Variants in KIAA0825 observed in about 807,000 individuals in gnomAD.
KIAA0825 encodes uncharacterized protein KIAA0825.
A neutral mutation model predicts 147.6 loss-of-function variants in KIAA0825; 119 were observed. That is an observed-to-expected ratio of 0.81 (90% CI 0.69 to 0.94). The LOEUF (loss-of-function observed/expected upper bound fraction) is 0.94, where lower values mean the gene tolerates loss of function less well. Ranked by LOEUF, KIAA0825 falls within the 40% of genes least tolerant of loss-of-function variation. KIAA0825 has a pLI of 0.00. For synonymous variants in KIAA0825, 470 were observed against 518.1 expected (o/e 0.91, Z 1.26); for missense variants, 1,381 against 1,472.7 (o/e 0.94, Z 1.02).
chr5:94,522,776 C>T (rs576161856), intron 4 of KIAA0825, among the ~76,000 whole-genome samples: 1 of 151,580 alleles, frequency 6.6e-6, no homozygotes, highest in Non-Finnish European at 1.5e-5. Context: ...GCCTATCAGT[C>T]TAATGAATTT....
chr5:94,566,569 A>G (rs76726497), intron 2 of KIAA0825, among the ~76,000 whole-genome samples: 3,724 of 152,186 alleles, frequency 0.024, 151 homozygotes, highest in African/African-American at 0.086. Flanking sequence ...ATTTTTGCAT[A>G]CTTTAATGAG....
chr5:94,524,162 T>C (rs2151239052), intron 3 of KIAA0825, 64 bp from the exon 4 acceptor site: 1 of 1,030,004 alleles, frequency 9.7e-7, no homozygotes, highest in Non-Finnish European at 1.4e-6. Flanking sequence ...TTTCATAATA[T>C]CACAGGCCCT....
intron 7 of KIAA0825, 100 bp downstream of exon 7, chr5:94,477,011 G>T: frequency 1.2e-6 from 1 of 849,124 alleles, no homozygotes; most frequent in Non-Finnish European, 1.8e-6. Flanking sequence ...TTTTTTTGTA[G>T]CAAAGGGTAA....
At chr5:94,365,757 C>A (rs255181) in intron 20 of KIAA0825, among the ~76,000 whole-genome samples, 40,954 of 152,126 alleles carry the variant, frequency 0.27, 5,561 homozygotes, top group Middle Eastern at 0.28. Context: ...CCCAAAACAA[C>A]CCCCCTTCCT....
chr5:94,612,920 C>T lies in KIAA0825; in HGVS notation c.-153+5580G>A, dbSNP rs545899345. 3.3e-5 allele frequency among the ~76,000 whole-genome samples: 5 copies of T among 152,274 alleles called. No homozygotes were observed. The South Asian group carries it at 1.0e-3, about 32-fold the overall frequency. The stretch of plus-strand genomic sequence containing the variant: ...TTTTTCTGATGCTTGTGTACCTACA[C>T]ACAGTATTACATTTAATCCTAGTAA... On this transcript the variant is annotated intron_variant, in intron 1 of 20. Transcript: ENST00000682413.
intron 2 of KIAA0825, among the ~76,000 whole-genome samples, chr5:94,550,930 A>T (rs1775422366): frequency 6.6e-6 from 1 of 152,108 alleles, no homozygotes; most frequent in African/African-American, 2.4e-5. Flanking sequence ...AAGTATTCAA[A>T]ATAATAAAAC....
At chr5:94,529,010 A>C (rs1485180628) in intron 3 of KIAA0825, among the ~76,000 whole-genome samples, 1 of 151,722 alleles carries the variant, frequency 6.6e-6, no homozygotes, top group African/African-American at 2.4e-5. Flanking sequence ...AATAATGGGA[A>C]TCCTAAGAGA....
chr5:94,574,397 A>G (rs1194458152), intron 2 of KIAA0825, among the ~76,000 whole-genome samples: 1 of 151,990 alleles, frequency 6.6e-6, no homozygotes, highest in Non-Finnish European at 1.5e-5. Flanking sequence ...ATAAAAAATT[A>G]GTCGGGTGTG....
At chr5:94,506,049 A>T (rs932462096) in intron 5 of KIAA0825, among the ~76,000 whole-genome samples, 9 of 152,226 alleles carry the variant, frequency 5.9e-5, no homozygotes, top group Non-Finnish European at 8.8e-5. Flanking sequence ...TATTTTAACT[A>T]CTATTGCACA....
chr5:94,500,365 C>A (rs992615720), intron 5 of KIAA0825, among the ~76,000 whole-genome samples: 3 of 152,046 alleles, frequency 2.0e-5, no homozygotes, highest in African/African-American at 7.3e-5. Flanking sequence ...CTAAATTAGG[C>A]CTTGATGGCA....
intron 20 of KIAA0825, among the ~76,000 whole-genome samples, chr5:94,170,135 T>G (rs1768475391): frequency 6.6e-6 from 1 of 152,006 alleles, no homozygotes. Context: ...CCGTCTCTAC[T>G]AAAAATACAA....
At chr5:94,336,631 TG>T (rs1781832468) in intron 20 of KIAA0825, among the ~76,000 whole-genome samples, 2 of 152,308 alleles carry the variant, frequency 1.3e-5, no homozygotes, top group Non-Finnish European at 2.9e-5. Context: ...ATGGTGTATA[TG>T]TGCCACATTT....
At chr5:94,504,752 T>C (rs1337760731) in intron 5 of KIAA0825, among the ~76,000 whole-genome samples, 5 of 128,886 alleles carry the variant, frequency 3.9e-5, no homozygotes, top group African/African-American at 1.4e-4. Context: ...TTTTCTTTTT[T>C]TTTTTTTTTT....
chr5:94,187,943 G>GA (rs780041741), intron 20 of KIAA0825, among the ~76,000 whole-genome samples: 7 of 152,186 alleles, frequency 4.6e-5, no homozygotes, highest in Non-Finnish European at 1.0e-4. Context: ...CTGACAGCCA[G>GA]TATGATGGTA....
intron 20 of KIAA0825, among the ~76,000 whole-genome samples, chr5:94,383,278 T>C (rs1318393240): frequency 6.6e-6 from 1 of 152,284 alleles, no homozygotes; most frequent in South Asian, 2.1e-4. Context: ...ATATTATAAA[T>C]ACCACTGTGA....
chr5:94,227,194 A>G (rs1043026334), intron 20 of KIAA0825, among the ~76,000 whole-genome samples: 10 of 152,262 alleles, frequency 6.6e-5, no homozygotes, highest in African/African-American at 2.4e-4. Context: ...TGGCACATAT[A>G]CACCATGGAA....
At chr5:94,213,300 A>C (rs1226662670) in intron 20 of KIAA0825, among the ~76,000 whole-genome samples, 1 of 152,120 alleles carries the variant, frequency 6.6e-6, no homozygotes, top group Non-Finnish European at 1.5e-5. Flanking sequence ...GATATTATCT[A>C]CTATATAATA....
chr5:94,604,019 CA>C (rs1286503590), intron 1 of KIAA0825, among the ~76,000 whole-genome samples: 1 of 152,104 alleles, frequency 6.6e-6, no homozygotes, highest in Non-Finnish European at 1.5e-5. Flanking sequence ...GATAGATGAA[CA>C]AGACAGAAAA....
At chr5:94,325,213 A>G (rs1208529097) in intron 20 of KIAA0825, among the ~76,000 whole-genome samples, 1 of 151,972 alleles carries the variant, frequency 6.6e-6, no homozygotes, top group Non-Finnish European at 1.5e-5. Context: ...AATCTTTCAC[A>G]TAGAACATGG....
Sources: allele counts gnomAD v4.1 joint callset (sites outside exome capture counted in the v4.1 genomes callset), GRCh38; gene constraint gnomAD v4.1.1; transcripts MANE v1.5; gene names NCBI Gene and HGNC (gene_info 2026-07-23, HGNC 2026-07-21).